Variants in MOB2 observed in about 807,000 individuals in gnomAD.
MOB2 encodes MOB2 Mps One Binder homolog.
In MOB2, 14 loss-of-function variants were observed where a neutral mutation model predicts 27.4. The observed-to-expected ratio is 0.51, with a 90% CI of 0.34 to 0.80. The LOEUF is 0.80. Among genes scored for constraint, MOB2 ranks in the 30% least tolerant of loss-of-function variants. The pLI, the probability that MOB2 is intolerant of heterozygous loss-of-function variation, is 0.01. For synonymous variants in MOB2, 167 were observed against 151.8 expected, an observed-to-expected ratio of 1.10 and a Z score of -0.74; for missense variants, 304 against 354.6, an observed-to-expected ratio of 0.86 and a Z score of 1.15.
intron 1 of MOB2, among the ~76,000 whole-genome samples, chr11:1,482,874 A>G (rs941762424): frequency 3.3e-5 from 5 of 152,048 alleles, no homozygotes; most frequent in African/African-American, 1.2e-4. Flanking sequence ...GCCTGGCAGC[A>G]CCCACGTCTC....
intron 3 of MOB2, among the ~76,000 whole-genome samples, chr11:1,479,087 A>T (rs1847882571): frequency 6.6e-6 from 1 of 152,188 alleles, no homozygotes; most frequent in South Asian, 2.1e-4. Flanking sequence ...CTCCAAGGGG[A>T]CATAGGTCTG....
intron 1 of MOB2, among the ~76,000 whole-genome samples, chr11:1,484,244 G>C (rs913531549): frequency 4.6e-5 from 7 of 152,200 alleles, no homozygotes; most frequent in Admixed American, 4.6e-4. Flanking sequence ...TCCCACCACA[G>C]GTCAACGCCA....
In MOB2 at chr11:1,484,981, G is replaced by A. The variant is rs2133369481; in HGVS notation, c.110+1466C>T. On this transcript the variant is annotated intron_variant, in intron 1 of 4. Coordinates refer to ENST00000329957, the MANE Select transcript of MOB2 (RefSeq NM_001172223.3). The stretch of plus-strand genomic sequence containing the variant: ...TGTGCCCTCTGCAGAGGCCCATTGA[G>A]AAGGAAAAAGCCAAGATGGCACAAG... Among the ~76,000 whole-genome samples the A allele has an allele frequency of 2.6e-5, 4 of 152,290 alleles. 1 individual carries two copies. In the South Asian group the frequency reaches 8.3e-4, roughly 32 times the overall value.
In MOB2 at chr11:1,470,081, G is replaced by A. The variant is rs759187938; in HGVS notation, c.*91C>T. The A allele has an allele frequency of 3.3e-4, 507 of 1,543,184 alleles. No individual in the cohort carries two copies. The highest frequency in any genetic ancestry group is 4.1e-4 in the Non-Finnish European group (469 of 1,146,888). On this transcript the variant is annotated 3_prime_UTR_variant, in exon 5 of 5. Coordinates refer to ENST00000329957, the MANE Select transcript of MOB2 (RefSeq NM_001172223.3). ...GGCCCTCTCAGACCTCACCACACGC[G>A]TGCCCAGCACATGTGTGCACACGCA...
At chr11:1,474,489 C>T (rs1248926179) in intron 3 of MOB2, among the ~76,000 whole-genome samples, 1 of 152,242 alleles carries the variant, frequency 6.6e-6, no homozygotes, top group Non-Finnish European at 1.5e-5. Context: ...TTGCACGAGG[C>T]ATGAGGGATA....
At position 1,486,564 on chromosome 11, in the gene MOB2, C is replaced by T. The variant is rs576810420; in HGVS notation, c.-8G>A. ...GCAGTGGTCTCCCAGCATGAGTGGG[C>T]GACGGGAAGGTGGGGAGGAGAAGCG... On this transcript the variant is annotated 5_prime_UTR_variant, in exon 1 of 5. Transcript: ENST00000329957. 50 of 1,530,384 alleles carry T rather than the reference C, an allele frequency of 3.3e-5. No individual in the cohort carries two copies. The highest frequency in any genetic ancestry group is 3.0e-4 in the South Asian group (25 of 83,928). The allele number at this position is 1,530,384 out of a possible 1,614,324, so 94.8% of individuals were successfully genotyped here.
chr11:1,471,353 G>A lies in MOB2; in HGVS notation c.432C>T (p.Phe144=), dbSNP rs767031047. The change falls in exon 4 of 5, where the codon TTC becomes TTT. Residue 144 remains phenylalanine (F), a synonymous_variant. Transcript: ENST00000329957. ...VKCTAPQYVD[F]VMSSVQKLVT... ...CCAGCTTCTGCACGGAGCTCATGAC[G>A]AAGTCAACGTACTGTGGGGCCGTGC... 1.2e-5 allele frequency: 20 copies of A among 1,613,444 alleles called. No individual in the cohort carries two copies. The highest frequency in any genetic ancestry group is 4.5e-5 in the East Asian group (2 of 44,890).
At chr11:1,482,043 G>A (rs991492521) in intron 1 of MOB2, among the ~76,000 whole-genome samples, 2 of 152,118 alleles carry the variant, frequency 1.3e-5, no homozygotes, top group African/African-American at 2.4e-5. Flanking sequence ...TCCCCATGAC[G>A]CTGGGCCTGG....
intron 2 of MOB2, 38 bp downstream of exon 2, chr11:1,480,687 G>A (rs777473160): frequency 6.3e-7 from 1 of 1,590,752 alleles, no homozygotes; most frequent in Non-Finnish European, 8.6e-7. Flanking sequence ...GGAGGAGCAG[G>A]GAGGAGGGAG....
At chr11:1,486,305 G>A (rs998414650) in intron 1 of MOB2, 142 bp downstream of exon 1, 13 of 662,020 alleles carry the variant, frequency 2.0e-5, no homozygotes, top group Admixed American at 1.8e-4. Context: ...AGCACAGCTC[G>A]CTGCACAGCC....
intron 3 of MOB2, among the ~76,000 whole-genome samples, chr11:1,474,008 C>T (rs1351826374): frequency 2.0e-5 from 3 of 152,280 alleles, no homozygotes; most frequent in African/African-American, 7.2e-5. Flanking sequence ...CCAGACACTG[C>T]CCCTGCAGAG....
chr11:1,483,184 C>A (rs1231802915), intron 1 of MOB2, among the ~76,000 whole-genome samples: 1 of 152,224 alleles, frequency 6.6e-6, no homozygotes. Flanking sequence ...GCCCAGCTGC[C>A]CCTCACCCAG....
chr11:1,478,559 C>T (rs890434793), intron 3 of MOB2, among the ~76,000 whole-genome samples: 1 of 152,216 alleles, frequency 6.6e-6, no homozygotes, highest in Non-Finnish European at 1.5e-5. Context: ...GTTGTCAGTA[C>T]CAGGCCACCG....
chr11:1,479,794 A>C (rs1473954338), intron 3 of MOB2, among the ~76,000 whole-genome samples: 1 of 152,240 alleles, frequency 6.6e-6, no homozygotes, highest in African/African-American at 2.4e-5. Context: ...GGCTAAGCCC[A>C]GCAGACCCAG....
intron 3 of MOB2, among the ~76,000 whole-genome samples, chr11:1,474,155 T>G (rs577927980): frequency 6.6e-6 from 1 of 152,388 alleles, no homozygotes; most frequent in South Asian, 2.1e-4. Context: ...GGTTTCGGCT[T>G]GCCTTTCTCT....
At position 1,475,852 on chromosome 11, in the gene MOB2, C is replaced by G. The variant is rs370076830; in HGVS notation, c.366-4433G>C. 6.0e-4 allele frequency among the ~76,000 whole-genome samples: 92 copies of G among 152,320 alleles called. 4 individuals carry two copies. In the South Asian group the frequency reaches 0.019, roughly 31 times the overall value. On this transcript the variant is annotated intron_variant, in intron 3 of 4. Coordinates refer to ENST00000329957, the MANE Select transcript of MOB2 (RefSeq NM_001172223.3). ...GAAGAGATTTGTTCTTACCTTAGAT[C>G]TTAGCAACCTCACACACAATCTGTT...
chr11:1,476,300 C>T (rs1364130574), intron 3 of MOB2, among the ~76,000 whole-genome samples: 2 of 152,266 alleles, frequency 1.3e-5, no homozygotes, highest in Non-Finnish European at 2.9e-5. Context: ...CCTTATGGCA[C>T]TGCCTATCTT....
At position 1,483,313 on chromosome 11, in the gene MOB2, G is replaced by A. The variant is rs75832465; in HGVS notation, c.111-2428C>T. Among the ~76,000 whole-genome samples, 37 of 152,312 alleles carry A rather than the reference G, an allele frequency of 2.4e-4. 1 individual carries two copies. In the East Asian group the frequency reaches 5.8e-3, roughly 24 times the overall value. ...AGGGAGGACTGTGGGAGCAGGCCCC[G>A]GCCGCAGGCAGGACAGAGATGGCGC... On this transcript the variant is annotated intron_variant, in intron 1 of 4. Coordinates refer to ENST00000329957, the MANE Select transcript of MOB2 (RefSeq NM_001172223.3).
Position 1,486,472 on chromosome 11 carries a change from G to C in MOB2, c.85C>G (p.Leu29Val). 6.5e-7 allele frequency: 1 copy of C among 1,535,862 alleles called. No individual in the cohort carries two copies. Among genetic ancestry groups the C allele is most frequent in the South Asian group, 1.2e-5 (1 of 84,060 alleles). The change falls in exon 1 of 5, where the codon CTT (leucine) becomes GTT (valine). Residue 29 changes from leucine (L) to valine (V), a missense_variant. By Grantham distance (32) the Leu-to-Val change is conservative. Coordinates refer to ENST00000329957, the MANE Select transcript of MOB2 (RefSeq NM_001172223.3). ...CTGAGCACTTTGCTGACAGCCTGAA[G>C]CACCATTTTGCAGCAGAGTCCACTT... ...LQSGLCCKMV[L>V]QAVSKVLRKS...
Sources: gnomAD v4.1 joint callset for allele counts (sites outside exome capture counted in the v4.1 genomes callset) on GRCh38, gnomAD v4.1.1 for gene constraint, MANE v1.5 for transcripts, NCBI Gene and HGNC (gene_info 2026-07-23, HGNC 2026-07-21) for gene names.